The following BTG4 variants were observed in gnomAD, a reference collection of about 807,000 sequenced individuals.
BTG4 encodes the protein protein BTG4.
A neutral mutation model predicts 19.3 loss-of-function variants in BTG4; 10 were observed. That is an observed-to-expected ratio of 0.52 (90% confidence interval 0.32 to 0.88). BTG4 has a LOEUF of 0.88. Among genes scored for constraint, BTG4 ranks in the 40% least tolerant of loss-of-function variants. The pLI, the probability that BTG4 is intolerant of heterozygous loss-of-function variation, is 0.04. For missense variants in BTG4, 238 were observed against 281.9 expected (o/e 0.84, Z 1.11); for synonymous variants, 91 against 95.7 (o/e 0.95, Z 0.29).
At chr11:111,432,585 A>G in the BTG4 span, among the ~76,000 whole-genome samples, 1 of 152,202 alleles carries the variant, frequency 6.6e-6, no homozygotes, top group Non-Finnish European at 1.5e-5. Context: ...CAGAGGTTGC[A>G]GTGAGCTGAG....
At chr11:111,451,764 C>CA in the BTG4 span, among the ~76,000 whole-genome samples, 28 of 148,986 alleles carry the variant, frequency 1.9e-4, no homozygotes, top group Middle Eastern at 3.5e-3. Flanking sequence ...AACTCTGTCT[C>CA]AAAAAAAAAA....
chr11:111,404,662 T>C, the BTG4 span: 3 of 456,208 alleles, frequency 6.6e-6, no homozygotes, highest in Non-Finnish European at 1.3e-5. Flanking sequence ...CAAAAACACA[T>C]CTCAGTGAAT....
chr11:111,466,554 A>C (rs896156491), downstream of BTG4, among the ~76,000 whole-genome samples: 37 of 152,166 alleles, frequency 2.4e-4, no homozygotes, highest in African/African-American at 8.0e-4. Context: ...ATAAAGGTGG[A>C]CAGAAGACCA....
At chr11:111,407,649 G>T in the BTG4 span, among the ~76,000 whole-genome samples, 1 of 152,126 alleles carries the variant, frequency 6.6e-6, no homozygotes, top group African/African-American at 2.4e-5. Context: ...CCAGCGTGGG[G>T]GACAGAGCGA....
chr11:111,491,472 G>T (rs1196964168), downstream of BTG4, among the ~76,000 whole-genome samples: 1 of 152,012 alleles, frequency 6.6e-6, no homozygotes, highest in South Asian at 2.1e-4. Flanking sequence ...AGAAGGCCAG[G>T]CATGGTGGCT....
intron 5 of BTG4, among the ~76,000 whole-genome samples, chr11:111,470,809 G>C (rs1166733683): frequency 6.6e-6 from 1 of 152,108 alleles, no homozygotes; most frequent in Admixed American, 6.5e-5. Flanking sequence ...TGTAGTCCCA[G>C]CTATTCAGGA....
chr11:111,492,013 T>A (rs2135640195), downstream of BTG4, among the ~76,000 whole-genome samples: 1 of 152,302 alleles, frequency 6.6e-6, no homozygotes, highest in African/African-American at 2.4e-5. Context: ...CATATGCTCA[T>A]GGATGGCTGC....
At chr11:111,446,594 TA>T in the BTG4 span, among the ~76,000 whole-genome samples, 2 of 151,166 alleles carry the variant, frequency 1.3e-5, no homozygotes, top group Non-Finnish European at 2.9e-5. Context: ...TTACTTCCTA[TA>T]AAAAATAATT....
chr11:111,446,974 A>T, the BTG4 span, among the ~76,000 whole-genome samples: 1 of 152,186 alleles, frequency 6.6e-6, no homozygotes, highest in South Asian at 2.1e-4. Flanking sequence ...ACTACAAAAA[A>T]AGAATGTAGC....
chr11:111,400,739 A>G, the BTG4 span, among the ~76,000 whole-genome samples: 1 of 152,210 alleles, frequency 6.6e-6, no homozygotes, highest in Non-Finnish European at 1.5e-5. Context: ...GACCTAGCAG[A>G]CACCACCTTA....
the BTG4 span, among the ~76,000 whole-genome samples, chr11:111,431,699 A>G: frequency 6.6e-6 from 1 of 152,242 alleles, no homozygotes; most frequent in African/African-American, 2.4e-5. Context: ...CCACAGTGAA[A>G]TGGGCTGTCC....
At chr11:111,509,890 T>C (rs560766534) in intron 1 of BTG4, among the ~76,000 whole-genome samples, 1 of 149,544 alleles carries the variant, frequency 6.7e-6, no homozygotes, top group African/African-American at 2.4e-5. Flanking sequence ...TCTCCATCTT[T>C]TTTTTTCTTT....
At chr11:111,453,322 C>T in the BTG4 span, 3 of 363,718 alleles carry the variant, frequency 8.2e-6, no homozygotes, top group East Asian at 7.6e-5. Context: ...CGGTGAAGTG[C>T]GACCTGTTTC....
chr11:111,394,455 G>T, the BTG4 span, among the ~76,000 whole-genome samples: 1 of 152,158 alleles, frequency 6.6e-6, no homozygotes, highest in Non-Finnish European at 1.5e-5. Context: ...CTTTTGCTTA[G>T]TTCTCATTCT....
At chr11:111,435,984 A>G in the BTG4 span, among the ~76,000 whole-genome samples, 1 of 152,216 alleles carries the variant, frequency 6.6e-6, no homozygotes, top group Non-Finnish European at 1.5e-5. Flanking sequence ...ACAAAGCCAG[A>G]AGCAAATACC....
the BTG4 span, chr11:111,414,186 G>GCA: frequency 2.0e-5 from 3 of 152,166 alleles, no homozygotes; most frequent in East Asian, 5.8e-4. Flanking sequence ...GTTGCACATG[G>GCA]GCCAGGATGG....
the BTG4 span, among the ~76,000 whole-genome samples, chr11:111,430,134 A>G: frequency 1.3e-5 from 2 of 152,252 alleles, no homozygotes; most frequent in Non-Finnish European, 2.9e-5. Context: ...TATTTTGCCA[A>G]GGTTAAGAAA....
intron 5 of BTG4, among the ~76,000 whole-genome samples, chr11:111,481,367 G>T (rs1433392783): frequency 6.6e-6 from 1 of 151,636 alleles, no homozygotes; most frequent in Non-Finnish European, 1.5e-5. Context: ...TTAAAAATAG[G>T]ATTAACATCA....
downstream of BTG4, among the ~76,000 whole-genome samples, chr11:111,464,866 C>A (rs1863626615): frequency 6.6e-6 from 1 of 152,102 alleles, no homozygotes; most frequent in African/African-American, 2.4e-5. Context: ...ATCAAAGTAC[C>A]CTTATAACTA....
Sources: allele counts gnomAD v4.1 joint callset (sites outside exome capture counted in the v4.1 genomes callset), GRCh38; gene constraint gnomAD v4.1.1; transcripts MANE v1.5; gene names NCBI Gene and HGNC (gene_info 2026-07-23, HGNC 2026-07-21).